Variants in GFRA1 observed in about 807,000 individuals in gnomAD.
GFRA1 encodes the protein GDNF family receptor alpha 1, also known as GDNF family receptor alpha-1.
In GFRA1, 16 loss-of-function variants were observed where a neutral mutation model predicts 51.6. The ratio of observed to expected loss-of-function variants is 0.31; its 90% confidence interval spans 0.21 to 0.47. GFRA1 has a LOEUF of 0.47. GFRA1 is among the 20% of genes least tolerant of loss of function. The probability of loss-of-function intolerance (pLI) is 1.00; values close to 1 mark genes in which losing one functional copy is unlikely to be tolerated. For missense variants in GFRA1, 530 were observed against 594.3 expected (o/e 0.89, Z 1.13); for synonymous variants, 270 against 241.3 (o/e 1.12, Z -1.10).
intron 6 of GFRA1, among the ~76,000 whole-genome samples, chr10:116,112,442 GA>G (rs1957249408): frequency 6.6e-6 from 1 of 152,190 alleles, no homozygotes; most frequent in Admixed American, 6.5e-5. Context: ...AGAAAGAGCA[GA>G]GGGGGGCTGC....
At chr10:116,070,627 T>C (rs187339077) in intron 9 of GFRA1, among the ~76,000 whole-genome samples, 3 of 152,348 alleles carry the variant, frequency 2.0e-5, no homozygotes, top group East Asian at 3.9e-4. Flanking sequence ...TAATACTATA[T>C]AACAATTCTA....
At chr10:116,068,220 C>T (rs1275871564) in intron 9 of GFRA1, among the ~76,000 whole-genome samples, 2 of 152,226 alleles carry the variant, frequency 1.3e-5, no homozygotes, top group Admixed American at 6.5e-5. Context: ...ACACACAGGA[C>T]TCTAAAGACA....
At chr10:116,109,908 AAC>A (rs1423650622) in intron 6 of GFRA1, among the ~76,000 whole-genome samples, 1 of 152,054 alleles carries the variant, frequency 6.6e-6, no homozygotes, top group Non-Finnish European at 1.5e-5. Flanking sequence ...CCCTGTATAA[AAC>A]ACAGACACTT....
chr10:116,220,464 A>T, intron 4 of GFRA1, among the ~76,000 whole-genome samples: 1 of 152,242 alleles, frequency 6.6e-6, no homozygotes, highest in Admixed American at 6.5e-5. Context: ...TGTCCAGCAG[A>T]ATAAATCTCT....
intron 5 of GFRA1, among the ~76,000 whole-genome samples, chr10:116,176,610 C>T (rs192393917): frequency 2.1e-4 from 32 of 152,280 alleles, no homozygotes; most frequent in Middle Eastern, 3.4e-3. Context: ...GCTTCCTGTA[C>T]AGCCCCCAGA....
intron 5 of GFRA1, among the ~76,000 whole-genome samples, chr10:116,209,910 C>T (rs1398120281): frequency 6.6e-6 from 1 of 152,118 alleles, no homozygotes; most frequent in Non-Finnish European, 1.5e-5. Context: ...AAATAATTCA[C>T]AAAAGCAAGT....
chr10:116,194,044 A>AAAAAAC (rs1304438577), intron 5 of GFRA1, among the ~76,000 whole-genome samples: 1 of 119,980 alleles, frequency 8.3e-6, no homozygotes, highest in East Asian at 2.5e-4. Flanking sequence ...GTCTCAATAA[A>AAAAAAC]AAAAAATAAA....
At chr10:116,147,247 T>C (rs1589824227) in intron 5 of GFRA1, among the ~76,000 whole-genome samples, 1 of 152,138 alleles carries the variant, frequency 6.6e-6, no homozygotes, top group South Asian at 2.1e-4. Context: ...CGAAATCTCC[T>C]GGGGAACAGC....
intron 5 of GFRA1, among the ~76,000 whole-genome samples, chr10:116,197,083 TG>T (rs1426076291): frequency 6.6e-6 from 1 of 151,930 alleles, no homozygotes; most frequent in Non-Finnish European, 1.5e-5. Context: ...AAATCCTGGA[TG>T]ATTTCCTCTC....
intron 5 of GFRA1, among the ~76,000 whole-genome samples, chr10:116,164,341 T>C (rs980868416): frequency 1.3e-5 from 2 of 150,344 alleles, no homozygotes; most frequent in Middle Eastern, 3.5e-3. Flanking sequence ...AAAAACCCAA[T>C]CCAACACTAA....
chr10:116,077,039 T>TAAAGTCTC (rs1955646586), intron 9 of GFRA1, among the ~76,000 whole-genome samples: 1 of 152,136 alleles, frequency 6.6e-6, no homozygotes, highest in Non-Finnish European at 1.5e-5. Context: ...CTATGAGTTA[T>TAAAGTCTC]TTGGAGGTAT....
intron 5 of GFRA1, among the ~76,000 whole-genome samples, chr10:116,205,926 T>TCACACACACACACACACACACACA (rs55780139): frequency 7.0e-6 from 1 of 142,484 alleles, no homozygotes; most frequent in African/African-American, 2.6e-5. Context: ...TTTCCTCATA[T>TCACACACACACACACACACACACA]CACACACACA....
At chr10:116,244,837 C>T (rs1322278533) in intron 4 of GFRA1, among the ~76,000 whole-genome samples, 2 of 152,002 alleles carry the variant, frequency 1.3e-5, no homozygotes, top group South Asian at 2.1e-4. Flanking sequence ...CAAAAATACA[C>T]GTATTCACAT....
Position 116,096,764 on chromosome 10 carries a change from T to C in GFRA1, c.771A>G (p.Arg257=), listed in dbSNP as rs1956601406. Residue 257 remains arginine, a splice_region_variant and synonymous_variant, in exon 7 of 11, where the codon AGA becomes AGG. Transcript: ENST00000355422. The part of the protein sequence containing the change: ...QDSCKTNYIC[R]SRLADFFTNC... ...TGGTAAAAAAATCCGCAAGGCGAGA[T>C]CTACAATAGGAAAAAAGGGGTGGGG... is the stretch of plus-strand genomic sequence containing the variant. 6.4e-7 allele frequency: 1 copy of C among 1,569,688 alleles called. No homozygotes were observed. The highest frequency in any genetic ancestry group is 2.2e-5 in the East Asian group (1 of 44,652).
In GFRA1 at chr10:116,096,752, C is replaced by T. The variant is rs149392755; in HGVS notation, c.783G>A (p.Ala261=). ...KTNYICRSRL[A]DFFTNCQPES... Reference sequence around the variant, plus strand: ...CTGGCTGGCAGTTGGTAAAAAAATCCGCAAGGCGAGATCTACAATAGGAAA... The same window carrying T: ...CTGGCTGGCAGTTGGTAAAAAAATCTGCAAGGCGAGATCTACAATAGGAAA... The change falls in exon 7 of 11, where the codon GCG becomes GCA. Residue 261 remains alanine, a synonymous_variant. Transcript: ENST00000355422. The T allele has an allele frequency of 3.0e-5, 48 of 1,605,550 alleles. No individual in the cohort carries two copies. The highest frequency in any genetic ancestry group is 2.0e-4 in the Admixed American group (12 of 59,868).
intron 4 of GFRA1, among the ~76,000 whole-genome samples, chr10:116,212,758 G>T (rs917770992): frequency 6.6e-6 from 1 of 152,082 alleles, no homozygotes; most frequent in Non-Finnish European, 1.5e-5. Flanking sequence ...TTTCACTGTG[G>T]GGTTATACTA....
chr10:116,106,828 G>A (rs1388978489), intron 6 of GFRA1, among the ~76,000 whole-genome samples: 1 of 152,162 alleles, frequency 6.6e-6, no homozygotes, highest in Non-Finnish European at 1.5e-5. Context: ...CTGGGACACA[G>A]GGACAGATCC....
intron 5 of GFRA1, among the ~76,000 whole-genome samples, chr10:116,126,235 G>A (rs1234323350): frequency 6.6e-6 from 1 of 152,244 alleles, no homozygotes; most frequent in East Asian, 1.9e-4. Flanking sequence ...GAGTACTGAG[G>A]TTCTAGATTA....
intron 5 of GFRA1, among the ~76,000 whole-genome samples, chr10:116,194,407 C>A (rs1963555753): frequency 6.6e-6 from 1 of 152,146 alleles, no homozygotes; most frequent in Non-Finnish European, 1.5e-5. Context: ...TGCAGATGAA[C>A]CCAGTAGACA....
Sources: gnomAD v4.1 joint callset for allele counts (sites outside exome capture counted in the v4.1 genomes callset) on GRCh38, gnomAD v4.1.1 for gene constraint, MANE v1.5 for transcripts, NCBI Gene and HGNC (gene_info 2026-07-23, HGNC 2026-07-21) for gene names.